Variants in LRRTM4 observed in about 807,000 individuals in gnomAD.
LRRTM4 encodes leucine rich repeat transmembrane neuronal 4, also known as leucine-rich repeat transmembrane neuronal protein 4.
In LRRTM4, 25 loss-of-function variants were observed where a neutral mutation model predicts 47.6. The ratio of observed to expected loss-of-function variants is 0.53; its 90% CI spans 0.38 to 0.73. LRRTM4 has a LOEUF of 0.73. Ranked by LOEUF, LRRTM4 falls within the 30% of genes least tolerant of loss-of-function variation. The pLI is 0.00. For synonymous variants in LRRTM4, 311 were observed against 269.5 expected, an observed-to-expected ratio of 1.15 and a Z score of -1.51; for missense variants, 638 against 713.4, an observed-to-expected ratio of 0.89 and a Z score of 1.20.
intron 3 of LRRTM4, among the ~76,000 whole-genome samples, chr2:77,240,525 T>C (rs1675229182): frequency 6.6e-6 from 1 of 151,980 alleles, no homozygotes; most frequent in South Asian, 2.1e-4. Flanking sequence ...AAATGTCAAC[T>C]CTATGTTGTT....
At chr2:77,091,095 CT>C (rs1444901245) in intron 3 of LRRTM4, among the ~76,000 whole-genome samples, 6 of 152,132 alleles carry the variant, frequency 3.9e-5, no homozygotes, top group East Asian at 1.9e-4. Context: ...ATAAGCACTC[CT>C]TTTTAGTTAT....
chr2:76,901,389 T>C (rs1272653838), intron 3 of LRRTM4, among the ~76,000 whole-genome samples: 1 of 152,204 alleles, frequency 6.6e-6, no homozygotes, highest in Non-Finnish European at 1.5e-5. Flanking sequence ...TCTCATTTCT[T>C]ACTATGTCTG....
At chr2:77,034,484 C>A (rs991854666) in intron 3 of LRRTM4, among the ~76,000 whole-genome samples, 1 of 151,898 alleles carries the variant, frequency 6.6e-6, no homozygotes, top group Non-Finnish European at 1.5e-5. Flanking sequence ...GCCTTTCAAG[C>A]TTCTGTTCAA....
intron 3 of LRRTM4, among the ~76,000 whole-genome samples, chr2:76,849,323 T>C (rs1671925545): frequency 6.6e-6 from 1 of 152,088 alleles, no homozygotes; most frequent in African/African-American, 2.4e-5. Flanking sequence ...CTCCTCCACC[T>C]TTTCTTGGAA....
intron 3 of LRRTM4, among the ~76,000 whole-genome samples, chr2:76,953,935 C>T (rs1675579878): frequency 6.6e-6 from 1 of 151,742 alleles, no homozygotes; most frequent in Admixed American, 6.6e-5. Flanking sequence ...CAGACAGACA[C>T]CAGAGAGAGC....
In LRRTM4 at chr2:76,924,974, G is replaced by A. The variant is rs1196700740; in HGVS notation, c.1552-176058C>T. Reference sequence around the variant, plus strand: ...AAGACCTCTATTGACACGTGCCTTTGTCTTATCCCCTGTTCTTGGGTGAGA... The same window carrying A: ...AAGACCTCTATTGACACGTGCCTTTATCTTATCCCCTGTTCTTGGGTGAGA... On this transcript the variant is annotated intron_variant, in intron 3 of 3. Transcript: ENST00000409884. Among the ~76,000 whole-genome samples, 9 of 152,170 alleles carry A rather than the reference G, an allele frequency of 5.9e-5. No individual in the cohort carries two copies. The East Asian group carries it at 1.7e-3, about 29-fold the overall frequency.
chr2:77,367,760 G>A (rs1484527733), intron 3 of LRRTM4, among the ~76,000 whole-genome samples: 2 of 151,760 alleles, frequency 1.3e-5, no homozygotes, highest in African/African-American at 2.4e-5. Context: ...GGCCTTCAAG[G>A]TCTGGATTGA....
At chr2:77,164,007 A>C (rs541740234) in intron 3 of LRRTM4, among the ~76,000 whole-genome samples, 1 of 152,342 alleles carries the variant, frequency 6.6e-6, no homozygotes, top group South Asian at 2.1e-4. Context: ...CAAAAGACAC[A>C]GACTGGCAAA....
At chr2:77,436,497 T>C (rs557084681) in intron 3 of LRRTM4, among the ~76,000 whole-genome samples, 93 of 151,956 alleles carry the variant, frequency 6.1e-4, no homozygotes, top group Non-Finnish European at 1.1e-3. Flanking sequence ...AAATAAAAAT[T>C]AGAAGTCAGA....
At chr2:76,807,425 C>CACACATAT (rs368842956) in intron 3 of LRRTM4, among the ~76,000 whole-genome samples, 7 of 98,054 alleles carry the variant, frequency 7.1e-5, no homozygotes, top group Admixed American at 4.2e-4. Context: ...TATATATATA[C>CACACATAT]ATATATATAT....
chr2:77,186,226 C>T (rs1290519372), intron 3 of LRRTM4, among the ~76,000 whole-genome samples: 1 of 152,154 alleles, frequency 6.6e-6, no homozygotes, highest in Non-Finnish European at 1.5e-5. Flanking sequence ...CACATCCAAT[C>T]TTTCTGCTCT....
rs566813221 is a variant in LRRTM4 at position 77,178,104 on chromosome 2, G to A, written c.1551+340214C>T. On this transcript the variant is annotated intron_variant, in intron 3 of 3. Transcript: ENST00000409884. The stretch of plus-strand genomic sequence containing the variant: ...CAAAAGATGTCAGCTATTATTAACT[G>A]CTGTATCTTTAGACTATATTGTAAT... Among the ~76,000 whole-genome samples the A allele has an allele frequency of 1.2e-4, 19 of 152,190 alleles. No individual in the cohort carries two copies. The South Asian group carries it at 3.1e-3, about 25-fold the overall frequency.
intron 3 of LRRTM4, among the ~76,000 whole-genome samples, chr2:76,848,060 C>A (rs753733733): frequency 3.9e-5 from 6 of 152,014 alleles, no homozygotes; most frequent in Non-Finnish European, 4.4e-5. Flanking sequence ...ATCCAGAGAG[C>A]TCATTCTTCA....
At chr2:77,160,340 A>C (rs1248489853) in intron 3 of LRRTM4, among the ~76,000 whole-genome samples, 1 of 152,054 alleles carries the variant, frequency 6.6e-6, no homozygotes, top group Non-Finnish European at 1.5e-5. Flanking sequence ...CATTGACAAC[A>C]CTTTCCATAC....
chr2:76,972,259 G>T (rs557101415), intron 3 of LRRTM4, among the ~76,000 whole-genome samples: 2 of 151,924 alleles, frequency 1.3e-5, no homozygotes, highest in East Asian at 3.9e-4. Context: ...AAGTAGCTGG[G>T]CATGTGAATA....
At chr2:76,798,695 G>A (rs539716302) in intron 3 of LRRTM4, among the ~76,000 whole-genome samples, 2,065 of 150,940 alleles carry the variant, frequency 0.014, 32 homozygotes, top group African/African-American at 0.047. Flanking sequence ...AAAATTGATA[G>A]ACCGCTAGCA....
intron 3 of LRRTM4, among the ~76,000 whole-genome samples, chr2:76,910,142 G>T (rs7570282): frequency 0.35 from 52,970 of 151,326 alleles, 9,915 homozygotes; most frequent in East Asian, 0.68. Flanking sequence ...GTGGCACATA[G>T]ACACCATGGA....
chr2:76,794,709 T>G (rs558209597), intron 3 of LRRTM4, among the ~76,000 whole-genome samples: 20 of 152,164 alleles, frequency 1.3e-4, no homozygotes, highest in Non-Finnish European at 2.2e-4. Context: ...TTAGTGACAT[T>G]TTTCACTGGC....
intron 3 of LRRTM4, among the ~76,000 whole-genome samples, chr2:76,915,597 A>G (rs1418309572): frequency 1.3e-5 from 2 of 152,078 alleles, no homozygotes; most frequent in African/African-American, 4.8e-5. Context: ...TTTATTTTTT[A>G]TTATTCTTTT....
Sources: gnomAD v4.1 joint callset for allele counts (sites outside exome capture counted in the v4.1 genomes callset) on GRCh38, gnomAD v4.1.1 for gene constraint, MANE v1.5 for transcripts, NCBI Gene and HGNC (gene_info 2026-07-23, HGNC 2026-07-21) for gene names.